Variants in OXNAD1 observed in about 807,000 individuals in gnomAD.
OXNAD1 encodes the protein oxidoreductase NAD binding domain containing 1.
In OXNAD1, 34 loss-of-function variants were observed where a neutral mutation model predicts 32.9. The observed-to-expected ratio is 1.03, with a 90% CI of 0.79 to 1.38. The LOEUF (loss-of-function observed/expected upper bound fraction) is 1.38. OXNAD1 is among the 40% of genes most tolerant of loss of function. OXNAD1 has a pLI of 0.00. For synonymous variants in OXNAD1, 134 were observed against 135.2 expected (o/e 0.99, Z 0.06); for missense variants, 407 against 379.4 (o/e 1.07, Z -0.60).
rs1334395536 is a variant in OXNAD1 at position 16,265,481 on chromosome 3, T to C, written c.-183T>C. ...AGTGACCTTGAGCCCAGGGCGACGGTCAGCTTGTTAATTCCTGGCTGCAGG... is the reference window on the plus strand; with the variant it reads ...AGTGACCTTGAGCCCAGGGCGACGGCCAGCTTGTTAATTCCTGGCTGCAGG... On this transcript the variant is annotated 5_prime_UTR_variant, in exon 1 of 9. Transcript: ENST00000285083. This position sits in a 1 kb window ranked among gnomAD's most constrained non-coding sequence, Gnocchi z 4.8. The C allele has an allele frequency of 6.5e-6, 1 of 152,986 alleles. No homozygotes were observed. Among genetic ancestry groups the C allele is most frequent in the South Asian group, 2.0e-4 (1 of 5,106 alleles). The allele number at this position is 152,986 out of a possible 1,614,324, so 9.5% of individuals were successfully genotyped here.
chr3:16,288,888 A>G lies in OXNAD1; in HGVS notation c.290+2440A>G, dbSNP rs2066246729. On this transcript the variant is annotated intron_variant, in intron 5 of 8. Coordinates refer to ENST00000285083, the MANE Select transcript of OXNAD1 (RefSeq NM_138381.5). The surrounding 1 kb of genome is among the most constrained non-coding windows in gnomAD (Gnocchi z 5.1). ...GTGTGCAGCTGCCCTGAGTTTCTAGATTCACATTTGGCTGTGGTGCTCACT... is the reference window on the plus strand; with the variant it reads ...GTGTGCAGCTGCCCTGAGTTTCTAGGTTCACATTTGGCTGTGGTGCTCACT... Among the ~76,000 whole-genome samples, 2 of 152,068 alleles carry G rather than the reference A, an allele frequency of 1.3e-5. No homozygotes were observed. The highest frequency in any genetic ancestry group is 4.2e-4 in the South Asian group (2 of 4,808).
At chr3:16,308,567 CAAAAG>C (rs1296809758), downstream of OXNAD1, among the ~76,000 whole-genome samples, 1 of 152,178 alleles carries the variant, frequency 6.6e-6, no homozygotes, top group African/African-American at 2.4e-5. This position sits in a 1 kb window ranked among gnomAD's most constrained non-coding sequence, Gnocchi z 4.4. Flanking sequence ...TTTTAAAACT[CAAAAG>C]AAGTATACTG....
rs1334312915 is a variant in OXNAD1 at position 16,289,726 on chromosome 3, T to C, written c.290+3278T>C. 1.3e-5 allele frequency among the ~76,000 whole-genome samples: 2 copies of C among 152,192 alleles called. No individual in the cohort carries two copies. The highest frequency in any genetic ancestry group is 2.4e-5 in the African/African-American group (1 of 41,456). ...TCCCCCATTACTCATCTGGTAAGCA[T>C]TGTGTGTCTTTTAAGACTGTTTAAA... On this transcript the variant is annotated intron_variant, in intron 5 of 8. Coordinates refer to ENST00000285083, the MANE Select transcript of OXNAD1 (RefSeq NM_138381.5). This position sits in a 1 kb window ranked among gnomAD's most constrained non-coding sequence, Gnocchi z 4.9.
Position 16,301,763 on chromosome 3 carries a change from C to A in OXNAD1, c.570C>A (p.His190Gln). 2 of 1,614,000 alleles carry A rather than the reference C, an allele frequency of 1.2e-6. No individual in the cohort carries two copies. Among genetic ancestry groups the A allele is most frequent in the South Asian group, 2.2e-5 (2 of 91,068 alleles). Reference protein sequence around the residue: ...GINPLLSILRHAADLLREQAN... With the variant: ...GINPLLSILRQAADLLREQAN... ...ACCCTCTGCTTTCCATCCTGCGGCA[C>A]GCAGCAGATCTCCTCAGAGAGCAGG... The change falls in exon 7 of 9, where the codon CAC (histidine) becomes CAA (glutamine). Residue 190 changes from histidine to glutamine, a missense_variant. Physicochemically the swap from His to Gln is conservative, Grantham distance 24 (BLOSUM62 0). Transcript: ENST00000285083. The surrounding 1 kb of genome is among the most constrained non-coding windows in gnomAD (Gnocchi z 4.1).
Position 16,290,226 on chromosome 3 carries a change from A to G in OXNAD1, c.290+3778A>G, listed in dbSNP as rs1000780205. Among the ~76,000 whole-genome samples, 1 of 152,172 alleles carries G rather than the reference A, an allele frequency of 6.6e-6. No individual in the cohort carries two copies. The highest frequency in any genetic ancestry group is 6.5e-5 in the Admixed American group (1 of 15,274). On this transcript the variant is annotated intron_variant, in intron 5 of 8. Transcript: ENST00000285083. This position sits in a 1 kb window ranked among gnomAD's most constrained non-coding sequence, Gnocchi z 4.2. ...GGGTATATAGTAAGGGCTTTAACTC[A>G]TGGCTCCAAGAGTGCTCATCCTGCA... is the stretch of plus-strand genomic sequence containing the variant.
intron 4 of OXNAD1, chr3:16,272,178 C>A (rs1042037855): frequency 1.3e-5 from 6 of 452,220 alleles, no homozygotes; most frequent in African/African-American, 1.0e-4. Context: ...AAAGCACTAA[C>A]ATCTGAGAAA....
chr3:16,272,272 T>C lies in OXNAD1; in HGVS notation c.183+550T>C, dbSNP rs1203298797. 6 of 395,286 alleles carry C rather than the reference T, an allele frequency of 1.5e-5. No individual in the cohort carries two copies. The East Asian group carries it at 4.8e-4, about 31-fold the overall frequency. 24.5% of individuals were successfully genotyped at this position (395,286 alleles called of 1,614,324 possible). A position where few individuals can be genotyped will look rare whatever the true frequency, so the allele number is the denominator to read the frequency against. On this transcript the variant is annotated intron_variant, in intron 4 of 8. Transcript: ENST00000285083. ...GACTATAGAAAGCTAATCTACCACCTGAAGGGGTGTCAAGGGCTGAGAAAT... is the reference window on the plus strand; with the variant it reads ...GACTATAGAAAGCTAATCTACCACCCGAAGGGGTGTCAAGGGCTGAGAAAT...
Position 16,298,033 on chromosome 3 carries a change from T to TAAACCACAAGACGTG in OXNAD1, c.432+3036_432+3037insAAACCACAAGACGTG, listed in dbSNP as rs2066921668. Among the ~76,000 whole-genome samples the TAAACCACAAGACGTG allele has an allele frequency of 1.3e-5, 2 of 152,206 alleles. No homozygotes were observed. Among genetic ancestry groups the TAAACCACAAGACGTG allele is most frequent in the African/African-American group, 4.8e-5 (2 of 41,454 alleles). On this transcript the variant is annotated intron_variant, in intron 6 of 8. Coordinates refer to ENST00000285083, the MANE Select transcript of OXNAD1 (RefSeq NM_138381.5). The surrounding 1 kb of genome is among the most constrained non-coding windows in gnomAD (Gnocchi z 5.1). ...GAGCAACATAATATATTCTTGTGGTTTACACGTCAAGTTGTGTCTGTCCAG... is the reference window on the plus strand; with the variant it reads ...GAGCAACATAATATATTCTTGTGGTTAAACCACAAGACGTGTACACGTCAAGTTGTGTCTGTCCAG...
intron 9 of OXNAD1, chr3:16,315,546 G>A (rs1454738837): frequency 4.2e-4 from 64 of 152,344 alleles, no homozygotes; most frequent in African/African-American, 1.4e-3. Flanking sequence ...AGACACTGAT[G>A]TAAGGTTTTT....
At position 16,269,172 on chromosome 3, in the gene OXNAD1, A is replaced by G. The variant is rs1362074630; in HGVS notation, c.-112A>G. 6.6e-6 allele frequency: 10 copies of G among 1,515,722 alleles called. No homozygotes were observed. The highest frequency in any genetic ancestry group is 1.4e-5 in the African/African-American group (1 of 71,682). 93.9% of individuals were successfully genotyped at this position (1,515,722 alleles called of 1,614,324 possible). On this transcript the variant is annotated 5_prime_UTR_variant, in exon 2 of 9. Transcript: ENST00000285083. ...GCATGGAAAAGCTGTCCATGTTCCA[A>G]CTGCTGTACATCCAAAAGTCTCAGT...
At position 16,342,853 on chromosome 3, in the gene OXNAD1, A is replaced by G. The variant is rs1254791481; in HGVS notation, c.*31-6323A>G. 1.3e-5 allele frequency among the ~76,000 whole-genome samples: 2 copies of G among 152,096 alleles called. No homozygotes were observed. On this transcript the variant is annotated intron_variant, in intron 9 of 9. Coordinates refer to the OXNAD1 transcript ENST00000606098. The surrounding 1 kb of genome is among the most constrained non-coding windows in gnomAD (Gnocchi z 4.0). ...GCTGCTAGGCCTGGCTGAATTTTTTACATGCAGTTCCCTAATCTCCACCCC... is the reference window on the plus strand; with the variant it reads ...GCTGCTAGGCCTGGCTGAATTTTTTGCATGCAGTTCCCTAATCTCCACCCC...
chr3:16,330,826 C>T (rs2070236794), intron 9 of OXNAD1, among the ~76,000 whole-genome samples: 1 of 152,272 alleles, frequency 6.6e-6, no homozygotes, highest in Admixed American at 6.5e-5. Flanking sequence ...GTAGAGTTTA[C>T]TAAGAAATAT....
chr3:16,286,034 G>C (rs769103682), intron 4 of OXNAD1, among the ~76,000 whole-genome samples: 9 of 152,172 alleles, frequency 5.9e-5, no homozygotes, highest in Non-Finnish European at 1.3e-4. Flanking sequence ...AGAGTGCCTA[G>C]CCCAGTGCAC....
chr3:16,286,247 G>T, intron 4 of OXNAD1, 95 bp from the exon 5 acceptor site: 4 of 947,054 alleles, frequency 4.2e-6, no homozygotes, highest in Non-Finnish European at 6.7e-6. Context: ...CCACATCTTT[G>T]TAGGTTTCAA....
chr3:16,294,934 G>A lies in OXNAD1; in HGVS notation c.369G>A (p.Glu123=). 6.2e-7 allele frequency: 1 copy of A among 1,613,542 alleles called. No homozygotes were observed. Among genetic ancestry groups the A allele is most frequent in the South Asian group, 1.1e-5 (1 of 91,014 alleles). ...ICSSPRLLEQ[E]RVIELAVKYT... The stretch of plus-strand genomic sequence containing the variant: ...CCAGTCCCAGACTGCTAGAACAAGA[G>A]AGAGTGATAGAATTGGCAGTGAAAT... The change falls in exon 6 of 9, where the codon GAG becomes GAA. Residue 123 remains glutamate, a synonymous_variant. Coordinates refer to ENST00000285083, the MANE Select transcript of OXNAD1 (RefSeq NM_138381.5).
intron 9 of OXNAD1, among the ~76,000 whole-genome samples, chr3:16,343,028 A>C (rs993788987): frequency 6.6e-5 from 10 of 152,120 alleles, no homozygotes; most frequent in African/African-American, 1.7e-4. Context: ...TTTAATGTAG[A>C]GAGACAAGGT....
At chr3:16,300,254 G>A (rs1022252043) in intron 6 of OXNAD1, among the ~76,000 whole-genome samples, 29 of 152,252 alleles carry the variant, frequency 1.9e-4, no homozygotes, top group Admixed American at 5.9e-4. Context: ...AGAAATAAAA[G>A]AAAGTGATCC....
At chr3:16,326,714 A>G (rs1478697030) in intron 9 of OXNAD1, 4 of 1,305,468 alleles carry the variant, frequency 3.1e-6, no homozygotes, top group East Asian at 2.3e-5. Flanking sequence ...CTCATTAGGA[A>G]CAGTGACTAG....
chr3:16,349,640 A>G (rs1198049276), exon 10 of OXNAD1: 3 of 152,274 alleles, frequency 2.0e-5, no homozygotes, highest in East Asian at 3.8e-4. Flanking sequence ...GGGATTATTC[A>G]ACTCCTATTT....
Sources: gnomAD v4.1 joint callset for allele counts (sites outside exome capture counted in the v4.1 genomes callset) on GRCh38, gnomAD v4.1.1 for gene constraint, Gnocchi (gnomAD v3.1) non-coding constraint, MANE v1.5 for transcripts, NCBI Gene and HGNC (gene_info 2026-07-23, HGNC 2026-07-21) for gene names.